TTC28: variants seen among roughly 807,000 people sequenced by gnomAD.
TTC28 encodes tetratricopeptide repeat protein 28.
TTC28 carries 61 observed loss-of-function variants against 198.0 expected under a neutral mutation model. That is an observed-to-expected ratio of 0.31 (90% CI 0.25 to 0.38). The LOEUF is 0.38. Ranked by LOEUF, TTC28 falls within the 10% of genes least tolerant of loss-of-function variation. The probability of loss-of-function intolerance (pLI) is 1.00; values close to 1 mark genes in which losing one functional copy is unlikely to be tolerated. For missense variants in TTC28, 2,678 were observed against 3,164.0 expected, an observed-to-expected ratio of 0.85 and a Z score of 3.69; for synonymous variants, 1,171 against 1,297.8, an observed-to-expected ratio of 0.90 and a Z score of 2.10.
intron 5 of TTC28, among the ~76,000 whole-genome samples, chr22:28,175,643 G>C (rs1339374506): frequency 1.3e-5 from 2 of 152,122 alleles, no homozygotes; most frequent in African/African-American, 4.8e-5. Context: ...CGAAACAAGA[G>C]AATCGCTTAA....
chr22:28,509,661 A>G (rs1347056845), intron 2 of TTC28, among the ~76,000 whole-genome samples: 1 of 152,214 alleles, frequency 6.6e-6, no homozygotes, highest in African/African-American at 2.4e-5. Context: ...GAGCTAGCAG[A>G]GGACAAGAAA....
chr22:28,568,076 T>C (rs920062762), intron 2 of TTC28, among the ~76,000 whole-genome samples: 7 of 152,170 alleles, frequency 4.6e-5, no homozygotes, highest in African/African-American at 1.7e-4. Flanking sequence ...AAGGAAAAGT[T>C]ATCATGGTAT....
chr22:28,162,592 T>G (rs1399592221), intron 6 of TTC28, among the ~76,000 whole-genome samples: 1 of 152,178 alleles, frequency 6.6e-6, no homozygotes. Flanking sequence ...ATTCTAATCC[T>G]TACAGCACCA....
intron 5 of TTC28, among the ~76,000 whole-genome samples, chr22:28,192,243 G>A (rs1924882844): frequency 6.6e-6 from 1 of 152,126 alleles, no homozygotes; most frequent in Admixed American, 6.5e-5. Context: ...CTGTCAGAAG[G>A]AAAACTAACA....
intron 2 of TTC28, among the ~76,000 whole-genome samples, chr22:28,371,809 C>T (rs569007134): frequency 2.0e-4 from 29 of 147,942 alleles, no homozygotes; most frequent in South Asian, 6.5e-4. Flanking sequence ...CTTGAACTCC[C>T]GATCTCGTGA....
intron 2 of TTC28, among the ~76,000 whole-genome samples, chr22:28,464,109 G>A (rs1305954940): frequency 6.6e-6 from 1 of 152,070 alleles, no homozygotes; most frequent in African/African-American, 2.4e-5. Flanking sequence ...TAAGGTAAGA[G>A]ACATTTAACC....
At chr22:28,144,090 C>T (rs1943404717) in intron 6 of TTC28, among the ~76,000 whole-genome samples, 1 of 152,342 alleles carries the variant, frequency 6.6e-6, no homozygotes, top group East Asian at 1.9e-4. Flanking sequence ...TGAGCCTGTA[C>T]TGTGCCAGGC....
At chr22:28,673,903 A>T (rs2051931522) in intron 1 of TTC28, among the ~76,000 whole-genome samples, 1 of 152,228 alleles carries the variant, frequency 6.6e-6, no homozygotes, top group Non-Finnish European at 1.5e-5. Context: ...CTTCCCGCTA[A>T]CAGTTTTTAA....
intron 5 of TTC28, among the ~76,000 whole-genome samples, chr22:28,167,255 C>G (rs935340779): frequency 3.3e-5 from 5 of 152,206 alleles, no homozygotes; most frequent in Non-Finnish European, 7.3e-5. Flanking sequence ...TAAGGAGGAG[C>G]TGGTACCATT....
chr22:28,600,525 T>C (rs959417649), intron 2 of TTC28, among the ~76,000 whole-genome samples: 3 of 152,214 alleles, frequency 2.0e-5, no homozygotes, highest in African/African-American at 4.8e-5. Flanking sequence ...AGCTGAACAC[T>C]TAACATTCTT....
chr22:28,281,072 T>G (rs2145734764), intron 5 of TTC28, among the ~76,000 whole-genome samples: 1 of 152,302 alleles, frequency 6.6e-6, no homozygotes, highest in Admixed American at 6.5e-5. Context: ...TTAGGTGTTG[T>G]TCTCTTTGTA....
At chr22:28,588,343 A>G (rs1273339126) in intron 2 of TTC28, among the ~76,000 whole-genome samples, 1 of 152,198 alleles carries the variant, frequency 6.6e-6, no homozygotes, top group Non-Finnish European at 1.5e-5. Context: ...AAACACCACA[A>G]CACTTCGGAT....
chr22:28,594,737 T>C (rs2050507952), intron 2 of TTC28, among the ~76,000 whole-genome samples: 3 of 152,098 alleles, frequency 2.0e-5, no homozygotes, highest in Admixed American at 1.3e-4. Flanking sequence ...GAAGGAAAAC[T>C]CTTGAATACA....
intron 6 of TTC28, among the ~76,000 whole-genome samples, chr22:28,147,149 A>G (rs1424790837): frequency 6.6e-6 from 1 of 152,198 alleles, no homozygotes; most frequent in African/African-American, 2.4e-5. Flanking sequence ...CAACAAATGT[A>G]TTTTCTGCTG....
At chr22:28,552,887 C>A (rs2049706045) in intron 2 of TTC28, among the ~76,000 whole-genome samples, 1 of 151,958 alleles carries the variant, frequency 6.6e-6, no homozygotes, top group African/African-American at 2.4e-5. Context: ...AACCTCCCTG[C>A]CTGATTCCCC....
intron 5 of TTC28, among the ~76,000 whole-genome samples, chr22:28,243,137 A>C (rs560334092): frequency 1.5e-5 from 2 of 135,556 alleles, no homozygotes; most frequent in South Asian, 5.1e-4. Flanking sequence ...CAAGAGTTTG[A>C]GACCAGCCTG....
intron 13 of TTC28, among the ~76,000 whole-genome samples, chr22:28,018,099 G>C (rs1024259435): frequency 6.6e-6 from 1 of 152,142 alleles, no homozygotes; most frequent in Non-Finnish European, 1.5e-5. Context: ...GCAGCTCACA[G>C]ACCAACTATT....
chr22:28,343,160 A>G (rs1039840205), intron 2 of TTC28, among the ~76,000 whole-genome samples: 1 of 152,232 alleles, frequency 6.6e-6, no homozygotes, highest in Non-Finnish European at 1.5e-5. Flanking sequence ...GAAATTGTTT[A>G]AAAATAGAAT....
chr22:28,075,095 A>G (rs1441263062), intron 12 of TTC28, among the ~76,000 whole-genome samples: 2 of 152,116 alleles, frequency 1.3e-5, no homozygotes, highest in Non-Finnish European at 2.9e-5. Flanking sequence ...CTCAATAAAT[A>G]AATAAATAAA....
Sources: gnomAD v4.1 joint callset for allele counts (sites outside exome capture counted in the v4.1 genomes callset) on GRCh38, gnomAD v4.1.1 for gene constraint, MANE v1.5 for transcripts, NCBI Gene and HGNC (gene_info 2026-07-23, HGNC 2026-07-21) for gene names.